Variants in GLCE observed in about 807,000 individuals in gnomAD.
The protein encoded by GLCE is glucuronic acid epimerase.
GLCE carries 19 observed loss-of-function variants against 47.9 expected under a neutral mutation model. The observed-to-expected ratio is 0.40, with a 90% confidence interval of 0.28 to 0.58. The LOEUF (loss-of-function observed/expected upper bound fraction) is 0.58. GLCE is among the 20% of genes least tolerant of loss of function. GLCE has a pLI of 0.48. For synonymous variants in GLCE, 245 were observed against 263.4 expected, an observed-to-expected ratio of 0.93 and a Z score of 0.68; for missense variants, 556 against 743.3, an observed-to-expected ratio of 0.75 and a Z score of 2.93.
chr15:69,257,856 C>G (rs1453597043), intron 3 of GLCE, among the ~76,000 whole-genome samples: 1 of 151,602 alleles, frequency 6.6e-6, no homozygotes, highest in Admixed American at 6.6e-5. Context: ...TTTTTTTCAG[C>G]AGTTTTTTAA....
chr15:69,232,163 G>T (rs1413689807), intron 2 of GLCE, among the ~76,000 whole-genome samples: 2 of 152,106 alleles, frequency 1.3e-5, no homozygotes, highest in Admixed American at 1.3e-4. Context: ...CCTTTTATTT[G>T]CAAGAAAATA....
rs201507560 is a variant in GLCE, at chr15:69,206,206, G to GTTT, written c.-104-4109_-104-4107dup. 9.1e-3 allele frequency among the ~76,000 whole-genome samples: 1,383 copies of GTTT among 152,072 alleles called. 24 individuals carry two copies. The highest frequency in any genetic ancestry group is 0.031 in the African/African-American group (1,308 of 41,526). On this transcript the variant is annotated intron_variant, in intron 1 of 4. Transcript: ENST00000261858. ...TTTTGCAGAGTGTCTCTCAATTTGT[G>GTTT]TTTGTCTGATGCTTTTCTTGTGATT...
At chr15:69,210,117 T>C (rs78451287) in intron 1 of GLCE, among the ~76,000 whole-genome samples, 199 bp from the exon 2 acceptor site, 1,755 of 152,206 alleles carry the variant, frequency 0.012, 27 homozygotes, top group African/African-American at 0.038. Flanking sequence ...AAATAAATGG[T>C]AAACCTGTGG....
chr15:69,226,030 G>A (rs943792143), intron 2 of GLCE, among the ~76,000 whole-genome samples: 5 of 148,484 alleles, frequency 3.4e-5, no homozygotes, highest in South Asian at 2.1e-4. Flanking sequence ...ACACATACAC[G>A]TGTGCACGCA....
chr15:69,258,264 T>A (rs1478614775), intron 3 of GLCE, among the ~76,000 whole-genome samples: 1 of 152,158 alleles, frequency 6.6e-6, no homozygotes, highest in African/African-American at 2.4e-5. Context: ...TTTCTGTTCC[T>A]GCGTTGGTTT....
At chr15:69,244,652 C>A (rs2052722349) in intron 2 of GLCE, among the ~76,000 whole-genome samples, 1 of 152,112 alleles carries the variant, frequency 6.6e-6, no homozygotes, top group South Asian at 2.1e-4. Flanking sequence ...ATTCTTAATA[C>A]TAGATATGTG....
intron 2 of GLCE, among the ~76,000 whole-genome samples, chr15:69,217,740 C>T (rs2052325280): frequency 6.6e-6 from 1 of 152,206 alleles, no homozygotes. Flanking sequence ...CTGACTCAGA[C>T]ACTTTGTTTC....
At chr15:69,201,315 A>C (rs1267132129) in intron 1 of GLCE, among the ~76,000 whole-genome samples, 10 of 152,064 alleles carry the variant, frequency 6.6e-5, no homozygotes. Context: ...AGATCACTGG[A>C]GTCAAGGAAG....
chr15:69,216,567 A>G (rs957885832), intron 2 of GLCE, among the ~76,000 whole-genome samples: 5 of 152,078 alleles, frequency 3.3e-5, no homozygotes, highest in Non-Finnish European at 5.9e-5. Flanking sequence ...TTCTTTTTGT[A>G]AAGACCTATG....
At chr15:69,182,530 C>T (rs111467859) in intron 1 of GLCE, among the ~76,000 whole-genome samples, 1 of 151,750 alleles carries the variant, frequency 6.6e-6, no homozygotes, top group African/African-American at 2.4e-5. Flanking sequence ...AGCATGTATG[C>T]AAAGGAAGGA....
rs2051404436 is a variant in GLCE at position 69,160,721 on chromosome 15, G to C, written c.-141G>C. The C allele has an allele frequency of 6.5e-6, 1 of 152,798 alleles. No homozygotes were observed. Among genetic ancestry groups the C allele is most frequent in the Non-Finnish European group, 1.5e-5 (1 of 68,220 alleles). 9.5% of individuals were successfully genotyped at this position (152,798 alleles called of 1,614,324 possible). A position where few individuals can be genotyped will look rare whatever the true frequency, so the allele number is the denominator to read the frequency against. On this transcript the variant is annotated 5_prime_UTR_variant, in exon 1 of 5. Transcript: ENST00000261858. The surrounding 1 kb of genome is among the most constrained non-coding windows in gnomAD (Gnocchi z 4.2). Reference sequence around the variant, plus strand: ...CTCTGCTGTCTCCTTCTCTTCCTCAGGGCTCCCGTGTCTGCTCGCCCTCCG... The same window carrying C: ...CTCTGCTGTCTCCTTCTCTTCCTCACGGCTCCCGTGTCTGCTCGCCCTCCG...
In GLCE at chr15:69,203,652, A is replaced by G. The variant is rs555532392; in HGVS notation, c.-104-6664A>G. 8.5e-5 allele frequency among the ~76,000 whole-genome samples: 13 copies of G among 152,260 alleles called. 1 individual carries two copies. The South Asian group carries it at 2.7e-3, about 32-fold the overall frequency. On this transcript the variant is annotated intron_variant, in intron 1 of 4. Transcript: ENST00000261858. ...TTTTCCAAATGTGTTCCTGGGGAAA[A>G]TAACCTAAATTCTTGAAGCAGATCA...
At chr15:69,221,591 G>A (rs1024311484) in intron 2 of GLCE, among the ~76,000 whole-genome samples, 10 of 151,930 alleles carry the variant, frequency 6.6e-5, no homozygotes, top group East Asian at 1.9e-4. Context: ...GGCTGGGCAC[G>A]GTGGCTCATG....
chr15:69,182,188 T>G (rs1290486989), intron 1 of GLCE, among the ~76,000 whole-genome samples: 2 of 151,878 alleles, frequency 1.3e-5, no homozygotes, highest in Non-Finnish European at 2.9e-5. Flanking sequence ...AAGGTATAAT[T>G]GTCAGTCAGC....
chr15:69,215,502 A>G (rs2052293325), intron 2 of GLCE, among the ~76,000 whole-genome samples: 1 of 151,542 alleles, frequency 6.6e-6, no homozygotes, highest in Non-Finnish European at 1.5e-5. Flanking sequence ...TTGCAGTTTC[A>G]GTCAATCGTG....
At chr15:69,191,924 A>G (rs1434338314) in intron 1 of GLCE, among the ~76,000 whole-genome samples, 1 of 152,152 alleles carries the variant, frequency 6.6e-6, no homozygotes, top group Non-Finnish European at 1.5e-5. Context: ...TGACTTGTAT[A>G]GCTTCAAGGA....
chr15:69,200,556 T>C (rs1291395248), intron 1 of GLCE, among the ~76,000 whole-genome samples: 4 of 152,150 alleles, frequency 2.6e-5, no homozygotes, highest in Non-Finnish European at 5.9e-5. Flanking sequence ...ACAAGGTCTT[T>C]CTTTGATAAT....
intron 1 of GLCE, chr15:69,197,327 C>T (rs2052008820): frequency 1.1e-5 from 3 of 264,880 alleles, no homozygotes; most frequent in African/African-American, 4.4e-5. Flanking sequence ...GCAGAAAAAG[C>T]TTTCCAAGAG....
intron 2 of GLCE, among the ~76,000 whole-genome samples, chr15:69,232,114 A>C (rs2052533433): frequency 6.6e-6 from 1 of 152,150 alleles, no homozygotes; most frequent in African/African-American, 2.4e-5. Flanking sequence ...ATACGTTTGG[A>C]TGGAGTAAAG....
Sources: gnomAD v4.1 joint callset for allele counts (sites outside exome capture counted in the v4.1 genomes callset) on GRCh38, gnomAD v4.1.1 for gene constraint, Gnocchi (gnomAD v3.1) non-coding constraint, MANE v1.5 for transcripts, NCBI Gene and HGNC (gene_info 2026-07-23, HGNC 2026-07-21) for gene names.